PRKAA2: variants seen among roughly 807,000 people sequenced by gnomAD.
The protein encoded by PRKAA2 is protein kinase AMP-activated catalytic subunit alpha 2, also known as 5'-AMP-activated protein kinase catalytic subunit alpha-2.
Under a neutral mutation model 56.3 loss-of-function variants are expected in PRKAA2, and 40 were observed. The ratio of observed to expected loss-of-function variants is 0.71; its 90% CI spans 0.55 to 0.92. The LOEUF (loss-of-function observed/expected upper bound fraction) is 0.92. PRKAA2 is among the 40% of genes least tolerant of loss of function. The pLI, the probability that PRKAA2 is intolerant of heterozygous loss-of-function variation, is 0.00. For synonymous variants in PRKAA2, 214 were observed against 234.2 expected (o/e 0.91, Z 0.79); for missense variants, 542 against 686.9 (o/e 0.79, Z 2.36).
In PRKAA2 at chr1:56,709,622, C is replaced by T. The variant is rs1644356534; in HGVS notation, c.*1909C>T. 2.6e-5 allele frequency: 4 copies of T among 152,052 alleles called. No homozygotes were observed. Among genetic ancestry groups the T allele is most frequent in the Admixed American group, 2.6e-4 (4 of 15,246 alleles). 9.4% of individuals were successfully genotyped at this position (152,052 alleles called of 1,614,324 possible). On this transcript the variant is annotated 3_prime_UTR_variant, in exon 9 of 9. Transcript: ENST00000371244. ...CTCTTTTGGGAAAAAACAGGGCCAC[C>T]TCATAATATTTGCCTGATTATGAAT...
At chr1:56,655,268 CT>C (rs1557542368) in intron 1 of PRKAA2, among the ~76,000 whole-genome samples, 17 of 106,828 alleles carry the variant, frequency 1.6e-4, no homozygotes, top group Admixed American at 8.4e-4. Flanking sequence ...ATTTATATAT[CT>C]ATATATATAT....
intron 6 of PRKAA2, among the ~76,000 whole-genome samples, chr1:56,700,611 G>A (rs909080712): frequency 1.3e-5 from 2 of 152,186 alleles, no homozygotes; most frequent in Non-Finnish European, 2.9e-5. Context: ...CAGTTGCGAT[G>A]TTAGACAGTT....
rs72668331 is a variant in PRKAA2, at chr1:56,703,699, T to A, written c.789-272T>A. On this transcript the variant is annotated intron_variant, in intron 6 of 8. Coordinates refer to ENST00000371244, the MANE Select transcript of PRKAA2 (RefSeq NM_006252.4). ...TGCTTGAAAGCTTGAATTTTATCAT[T>A]GGCAACAAATATTGCTGGTTGTTTT... 0.11 allele frequency among the ~76,000 whole-genome samples: 16,489 copies of A among 152,234 alleles called. 1,299 individuals carry two copies. The highest frequency in any genetic ancestry group is 0.24 in the East Asian group (1,249 of 5,174).
chr1:56,694,424 AAG>A (rs1309941988), intron 5 of PRKAA2, among the ~76,000 whole-genome samples: 1 of 152,194 alleles, frequency 6.6e-6, no homozygotes, highest in Non-Finnish European at 1.5e-5. Flanking sequence ...AGAATCCTAT[AAG>A]AGAAAATATG....
rs1358847196 is a variant in PRKAA2 at position 56,708,124 on chromosome 1, T to C, written c.*411T>C. The C allele has an allele frequency of 1.2e-5, 2 of 162,986 alleles. No individual in the cohort carries two copies. Among genetic ancestry groups the C allele is most frequent in the East Asian group, 3.6e-4 (2 of 5,526 alleles). 10.1% of individuals were successfully genotyped at this position (162,986 alleles called of 1,614,324 possible). On this transcript the variant is annotated 3_prime_UTR_variant, in exon 9 of 9. Transcript: ENST00000371244. ...AAATTTCAGTAGGCTTTATGCTGTG[T>C]TTATGCCCCCAATTTATTTTAACAA...
At chr1:56,672,806 G>A (rs1644087410) in intron 1 of PRKAA2, among the ~76,000 whole-genome samples, 1 of 152,134 alleles carries the variant, frequency 6.6e-6, no homozygotes, top group South Asian at 2.1e-4. Context: ...CCAGATAGCT[G>A]TGAATTTAGG....
chr1:56,684,520 G>A (rs992975595), intron 2 of PRKAA2, among the ~76,000 whole-genome samples: 1 of 151,984 alleles, frequency 6.6e-6, no homozygotes. Context: ...AAATGAGGAG[G>A]AACCAGTAAA....
In PRKAA2 at chr1:56,704,412, C is replaced by A. The variant is rs370382985; in HGVS notation, c.1230C>A (p.Ser410Arg). Residue 410 changes from serine (S) to arginine (R), a missense_variant, in exon 7 of 9, where the codon AGC becomes AGA. This residue lies in a region of PRKAA2 where 6 missense variants were observed against 22.9 expected (regional missense o/e 0.26). Transcript: ENST00000371244. ...AKWHLGIRSQSKPYDIMAEVY... is the reference protein window; with the variant it reads ...AKWHLGIRSQRKPYDIMAEVY... ...GGCATCTTGGAATCCGAAGTCAGAGCAAACCGTATGACATTATGGCTGAAG... is the reference window on the plus strand; with the variant it reads ...GGCATCTTGGAATCCGAAGTCAGAGAAAACCGTATGACATTATGGCTGAAG... 92 of 1,613,690 alleles carry A rather than the reference C, an allele frequency of 5.7e-5. No individual in the cohort carries two copies. The highest frequency in any genetic ancestry group is 7.5e-5 in the Non-Finnish European group (89 of 1,179,930).
At chr1:56,705,503 C>T (rs1393992176) in intron 7 of PRKAA2, among the ~76,000 whole-genome samples, 1 of 152,054 alleles carries the variant, frequency 6.6e-6, no homozygotes, top group Non-Finnish European at 1.5e-5. Flanking sequence ...TCAGGCTATC[C>T]TCTCACCTCA....
intron 1 of PRKAA2, among the ~76,000 whole-genome samples, chr1:56,669,315 C>T (rs1221194610): frequency 6.6e-6 from 1 of 151,894 alleles, no homozygotes; most frequent in Non-Finnish European, 1.5e-5. Context: ...AGAAATTAGC[C>T]AAGTGTGGTG....
intron 2 of PRKAA2, among the ~76,000 whole-genome samples, chr1:56,676,774 G>A (rs1644116710): frequency 6.6e-6 from 1 of 152,200 alleles, no homozygotes; most frequent in South Asian, 2.1e-4. Context: ...AGGGACCCAT[G>A]TGGTGCATCT....
At chr1:56,666,085 A>G (rs955867572) in intron 1 of PRKAA2, among the ~76,000 whole-genome samples, 1 of 152,240 alleles carries the variant, frequency 6.6e-6, no homozygotes, top group Admixed American at 6.5e-5. Context: ...CCAAACTTAC[A>G]TACACCTCAT....
At position 56,704,275 on chromosome 1, in the gene PRKAA2, C is replaced by T. The variant is rs903921338; in HGVS notation, c.1093C>T (p.Pro365Ser). The T allele has an allele frequency of 6.2e-7, 1 of 1,613,970 alleles. No individual in the cohort carries two copies. The highest frequency in any genetic ancestry group is 1.3e-5 in the African/African-American group (1 of 74,894). Residue 365 changes from proline to serine, a missense_variant, in exon 7 of 9, where the codon CCT becomes TCT. Coordinates refer to ENST00000371244, the MANE Select transcript of PRKAA2 (RefSeq NM_006252.4). ...SAMHIPPGLK[P>S]HPERMPPLIA... Reference sequence around the variant, plus strand: ...CATGCATATTCCCCCAGGCCTGAAACCTCATCCAGAAAGGATGCCACCTCT... The same window carrying T: ...CATGCATATTCCCCCAGGCCTGAAATCTCATCCAGAAAGGATGCCACCTCT...
In PRKAA2 at chr1:56,707,744, T is replaced by C; in HGVS notation, c.*31T>C. On this transcript the variant is annotated 3_prime_UTR_variant, in exon 9 of 9. Coordinates refer to ENST00000371244, the MANE Select transcript of PRKAA2 (RefSeq NM_006252.4). ...CTCTAGTTTCTTTCTGTTATTGCACTATGAAAATCAGTTATATTCTTTAAA... is the reference window on the plus strand; with the variant it reads ...CTCTAGTTTCTTTCTGTTATTGCACCATGAAAATCAGTTATATTCTTTAAA... 2 of 1,516,342 alleles carry C rather than the reference T, an allele frequency of 1.3e-6. No homozygotes were observed. Among genetic ancestry groups the C allele is most frequent in the South Asian group, 2.3e-5 (2 of 87,468 alleles). The allele number at this position is 1,516,342 out of a possible 1,614,324, so 93.9% of individuals were successfully genotyped here.
intron 1 of PRKAA2, among the ~76,000 whole-genome samples, chr1:56,658,556 T>C (rs1309057620): frequency 1.3e-5 from 2 of 151,334 alleles, no homozygotes; most frequent in African/African-American, 4.8e-5. Flanking sequence ...GAAGAATTTA[T>C]AATGGTAAAT....
At chr1:56,659,276 C>G (rs1383052149) in intron 1 of PRKAA2, among the ~76,000 whole-genome samples, 1 of 151,720 alleles carries the variant, frequency 6.6e-6, no homozygotes, top group Non-Finnish European at 1.5e-5. Context: ...AGGTGAATCA[C>G]ATGAGAGGCC....
intron 1 of PRKAA2, among the ~76,000 whole-genome samples, chr1:56,670,568 G>T (rs1473320079): frequency 6.6e-6 from 1 of 152,158 alleles, no homozygotes; most frequent in African/African-American, 2.4e-5. Flanking sequence ...CTAAGATGCA[G>T]GCTGTACGCT....
intron 1 of PRKAA2, among the ~76,000 whole-genome samples, chr1:56,660,332 A>G (rs1473398989): frequency 6.6e-6 from 1 of 152,196 alleles, no homozygotes; most frequent in Admixed American, 6.5e-5. Context: ...AGTTCATTTT[A>G]CATATTTTAT....
At chr1:56,706,690 G>C (rs191023362) in intron 8 of PRKAA2, among the ~76,000 whole-genome samples, 21 of 152,294 alleles carry the variant, frequency 1.4e-4, no homozygotes, top group African/African-American at 4.3e-4. Context: ...AGCCAAAGGC[G>C]TCAGGGAAAA....
Sources: gnomAD v4.1 joint callset for allele counts (sites outside exome capture counted in the v4.1 genomes callset) on GRCh38, gnomAD v4.1.1 for gene constraint, gnomAD v4.1.1 regional missense constraint, MANE v1.5 for transcripts, NCBI Gene and HGNC (gene_info 2026-07-23, HGNC 2026-07-21) for gene names.